The following MCF2L2 variants were observed in gnomAD, a reference collection of about 807,000 sequenced individuals.
The protein encoded by MCF2L2 is MCF.2 cell line derived transforming sequence-like 2.
In MCF2L2, 102 loss-of-function variants were observed where a neutral mutation model predicts 150.2. The ratio of observed to expected loss-of-function variants is 0.68; its 90% CI spans 0.58 to 0.80. The LOEUF is 0.80. MCF2L2 is among the 30% of genes least tolerant of loss of function. The probability of loss-of-function intolerance (pLI) is 0.00; values close to 1 mark genes in which losing one functional copy is unlikely to be tolerated. For missense variants in MCF2L2, 1,256 were observed against 1,372.8 expected, an observed-to-expected ratio of 0.91 and a Z score of 1.34; for synonymous variants, 465 against 491.3, an observed-to-expected ratio of 0.95 and a Z score of 0.71.
At chr3:183,311,420 G>C (rs1332293157) in intron 8 of MCF2L2, among the ~76,000 whole-genome samples, 2 of 152,118 alleles carry the variant, frequency 1.3e-5, no homozygotes, top group East Asian at 3.9e-4. Context: ...CCTAGGGTGG[G>C]AACATGTCAT....
At chr3:183,354,533 T>C (rs1711648590) in intron 3 of MCF2L2, among the ~76,000 whole-genome samples, 1 of 146,954 alleles carries the variant, frequency 6.8e-6, no homozygotes, top group Non-Finnish European at 1.5e-5. Flanking sequence ...TGCTGACTTC[T>C]ACTCTTTAGA....
At chr3:183,352,321 G>T (rs994655249) in intron 3 of MCF2L2, among the ~76,000 whole-genome samples, 1 of 152,014 alleles carries the variant, frequency 6.6e-6, no homozygotes, top group Admixed American at 6.6e-5. Flanking sequence ...TCAGGATTTC[G>T]AGACCAGCCT....
chr3:183,351,382 C>T (rs1159479604), intron 3 of MCF2L2, among the ~76,000 whole-genome samples: 1 of 151,374 alleles, frequency 6.6e-6, no homozygotes, highest in African/African-American at 2.4e-5. Context: ...CTATGATTTG[C>T]CTTTTTTGGT....
At chr3:183,258,031 C>A (rs1447275464) in intron 15 of MCF2L2, among the ~76,000 whole-genome samples, 2 of 134,562 alleles carry the variant, frequency 1.5e-5, no homozygotes, top group Non-Finnish European at 3.0e-5. Context: ...GCAATGGTGC[C>A]ATCTCGGCTC....
intron 2 of MCF2L2, among the ~76,000 whole-genome samples, chr3:183,388,808 G>A (rs1183614688): frequency 1.3e-5 from 2 of 152,168 alleles, no homozygotes; most frequent in African/African-American, 4.8e-5. Flanking sequence ...TCAAATCAGT[G>A]GGATGAGGAG....
intron 27 of MCF2L2, among the ~76,000 whole-genome samples, chr3:183,187,219 C>T (rs184634571): frequency 6.6e-6 from 1 of 152,142 alleles, no homozygotes; most frequent in Non-Finnish European, 1.5e-5. Context: ...ACAACCATGA[C>T]GTGCTATACC....
intron 1 of MCF2L2, among the ~76,000 whole-genome samples, chr3:183,411,861 A>G (rs971737310): frequency 1.3e-5 from 2 of 152,238 alleles, no homozygotes; most frequent in African/African-American, 2.4e-5. Context: ...CTGGCTAAGC[A>G]CAGAGAAAAA....
At chr3:183,250,424 A>G (rs1724463401) in intron 15 of MCF2L2, among the ~76,000 whole-genome samples, 1 of 152,006 alleles carries the variant, frequency 6.6e-6, no homozygotes, top group Non-Finnish European at 1.5e-5. Flanking sequence ...CATCTCCACC[A>G]AAAATATAAA....
chr3:183,400,235 T>C (rs1714669235), intron 1 of MCF2L2: 4 of 330,196 alleles, frequency 1.2e-5, no homozygotes, highest in African/African-American at 8.6e-5. Flanking sequence ...CTTGAGACGG[T>C]ACTGCAAAGT....
chr3:183,203,555 G>A (rs986935431), intron 25 of MCF2L2, among the ~76,000 whole-genome samples: 4 of 152,310 alleles, frequency 2.6e-5, no homozygotes, highest in Admixed American at 1.3e-4. Context: ...GAGAAAGAAA[G>A]AGGAATGAAG....
At chr3:183,234,898 C>T (rs1459863425) in intron 15 of MCF2L2, among the ~76,000 whole-genome samples, 1 of 110,542 alleles carries the variant, frequency 9.0e-6, no homozygotes, top group African/African-American at 3.7e-5. Flanking sequence ...CTTCCTGTGT[C>T]CATGTGATCT....
At chr3:183,372,054 G>A (rs1712919940) in intron 3 of MCF2L2, 1 of 150,366 alleles carries the variant, frequency 6.7e-6, no homozygotes, top group African/African-American at 2.5e-5. Context: ...ATCTTCTTTA[G>A]GAATAAAATG....
intron 3 of MCF2L2, among the ~76,000 whole-genome samples, chr3:183,362,913 T>C: frequency 6.6e-6 from 1 of 152,300 alleles, no homozygotes; most frequent in South Asian, 2.1e-4. Flanking sequence ...AAAGAAATGT[T>C]ATCTAAAATA....
At position 183,263,736 on chromosome 3, in the gene MCF2L2, C is replaced by T. The variant is rs140310966; in HGVS notation, c.1862+13136G>A. On this transcript the variant is annotated intron_variant, in intron 15 of 29. Transcript: ENST00000328913. Reference sequence around the variant, plus strand: ...TCTCTCCATCGCCTCGAACTCAATGCGAGTCTAAAATCAAATACTCCTTCA... The same window carrying T: ...TCTCTCCATCGCCTCGAACTCAATGTGAGTCTAAAATCAAATACTCCTTCA... Among the ~76,000 whole-genome samples, 760 of 152,238 alleles carry T rather than the reference C, an allele frequency of 5.0e-3. 7 individuals are homozygous for T. Among genetic ancestry groups the T allele is most frequent in the African/African-American group, 0.017 (720 of 41,546 alleles).
intron 14 of MCF2L2, among the ~76,000 whole-genome samples, chr3:183,284,184 T>C (rs960007487): frequency 6.6e-6 from 1 of 152,206 alleles, no homozygotes; most frequent in Middle Eastern, 3.2e-3. Context: ...CTCTCTTTTA[T>C]CTTATTCAGC....
chr3:183,371,806 T>C (rs1712901735), intron 3 of MCF2L2, among the ~76,000 whole-genome samples: 1 of 151,842 alleles, frequency 6.6e-6, no homozygotes, highest in South Asian at 2.1e-4. Context: ...CAATACACAA[T>C]TTACATGTGA....
intron 15 of MCF2L2, among the ~76,000 whole-genome samples, chr3:183,243,320 A>T (rs1404077906): frequency 2.0e-5 from 3 of 152,182 alleles, no homozygotes; most frequent in Non-Finnish European, 4.4e-5. Flanking sequence ...GGATCCTCCC[A>T]CACATCCCCA....
intron 1 of MCF2L2, among the ~76,000 whole-genome samples, chr3:183,391,894 T>C (rs1003744905): frequency 3.3e-5 from 5 of 150,194 alleles, no homozygotes; most frequent in Admixed American, 6.6e-5. Flanking sequence ...TTTTTTGATT[T>C]CTCTTTTTTA....
At chr3:183,198,609 T>C (rs1427520216) in intron 25 of MCF2L2, among the ~76,000 whole-genome samples, 2 of 151,980 alleles carry the variant, frequency 1.3e-5, no homozygotes, top group African/African-American at 2.4e-5. Context: ...AGTAAAGGAG[T>C]TTTAAAAATT....
Sources: allele counts gnomAD v4.1 joint callset (sites outside exome capture counted in the v4.1 genomes callset), GRCh38; gene constraint gnomAD v4.1.1; transcripts MANE v1.5; gene names NCBI Gene and HGNC (gene_info 2026-07-23, HGNC 2026-07-21).